Variants in SV2C observed in about 807,000 individuals in gnomAD.
The protein encoded by SV2C is synaptic vesicle glycoprotein 2C, also known as solute carrier family 22 member B3.
SV2C carries 49 observed loss-of-function variants against 79.7 expected under a neutral mutation model. The ratio of observed to expected loss-of-function variants is 0.61; its 90% CI spans 0.49 to 0.78. The LOEUF (loss-of-function observed/expected upper bound fraction) is 0.78. Among genes scored for constraint, SV2C ranks in the 30% least tolerant of loss-of-function variants. The pLI is 0.00. For missense variants in SV2C, 833 were observed against 912.9 expected (o/e 0.91, Z 1.13); for synonymous variants, 334 against 333.2 (o/e 1.00, Z -0.03).
chr5:76,352,448 G>A (rs964080056), intron 12 of SV2C, among the ~76,000 whole-genome samples: 1 of 152,150 alleles, frequency 6.6e-6, no homozygotes, highest in African/African-American at 2.4e-5. Flanking sequence ...ATGGATTAAC[G>A]TTATCTCAAG....
At chr5:76,200,408 G>A (rs1744407981) in intron 3 of SV2C, among the ~76,000 whole-genome samples, 1 of 152,314 alleles carries the variant, frequency 6.6e-6, no homozygotes, top group East Asian at 1.9e-4. Context: ...GGTGGAACCA[G>A]GAATAACTCA....
At chr5:76,110,836 C>T (rs1748073178) in intron 1 of SV2C, among the ~76,000 whole-genome samples, 1 of 152,180 alleles carries the variant, frequency 6.6e-6, no homozygotes, top group Non-Finnish European at 1.5e-5. Context: ...GTGCAAAGAA[C>T]ATGAGTGTTG....
At chr5:75,873,030 A>G in the SV2C span, among the ~76,000 whole-genome samples, 2 of 152,178 alleles carry the variant, frequency 1.3e-5, no homozygotes, top group Non-Finnish European at 2.9e-5. Flanking sequence ...TACCAAAGCC[A>G]GAAACCAAAG....
intron 1 of SV2C, among the ~76,000 whole-genome samples, chr5:76,114,374 C>G (rs961393477): frequency 6.6e-6 from 1 of 152,252 alleles, no homozygotes; most frequent in South Asian, 2.1e-4. Flanking sequence ...GAAATATTTA[C>G]TAAGTAAAAC....
Position 76,325,508 on chromosome 5 carries a change from G to A in SV2C, c.2145G>A (p.Gly715=), listed in dbSNP as rs1221368057. Residue 715 remains glycine, a synonymous_variant, in exon 13 of 13, where the codon GGG becomes GGA. Transcript: ENST00000502798. ...STVLVCGGLV[G]LCLPDTRTQV... is the part of the protein sequence containing the mutation. ...TGCTCGTGTGTGGAGGACTCGTTGG[G>A]CTGTGCCTGCCTGACACACGAACCC... 9 of 1,613,994 alleles carry A rather than the reference G, an allele frequency of 5.6e-6. No individual in the cohort carries two copies. The highest frequency in any genetic ancestry group is 7.6e-6 in the Non-Finnish European group (9 of 1,180,032).
upstream of SV2C, among the ~76,000 whole-genome samples, chr5:76,080,463 G>T (rs1429349143): frequency 1.3e-5 from 2 of 152,154 alleles, no homozygotes; most frequent in African/African-American, 4.8e-5. Context: ...GTTCTCCAAA[G>T]CGCAGGCTTT....
intron 4 of SV2C, among the ~76,000 whole-genome samples, chr5:76,280,396 C>G (rs1289522594): frequency 6.6e-6 from 1 of 152,142 alleles, no homozygotes; most frequent in Non-Finnish European, 1.5e-5. Context: ...CTAAGCTGAG[C>G]AGAGCTGGAC....
At chr5:76,231,225 C>T (rs1465689810) in intron 4 of SV2C, among the ~76,000 whole-genome samples, 1 of 152,110 alleles carries the variant, frequency 6.6e-6, no homozygotes, top group Non-Finnish European at 1.5e-5. Flanking sequence ...TTCTTCATGT[C>T]CTACTGAAAT....
the SV2C span, among the ~76,000 whole-genome samples, chr5:76,037,998 C>G: frequency 2.6e-5 from 4 of 152,170 alleles, 1 homozygote; most frequent in Admixed American, 2.0e-4. Context: ...GGGAGTGACC[C>G]GATTTTCCAG....
At chr5:75,853,325 G>A in the SV2C span, among the ~76,000 whole-genome samples, 3 of 152,216 alleles carry the variant, frequency 2.0e-5, no homozygotes, top group South Asian at 4.1e-4. Flanking sequence ...GGGAGGCGGA[G>A]GCGGGCGGAT....
At chr5:75,911,294 T>C in the SV2C span, 1 of 1,428,274 alleles carries the variant, frequency 7.0e-7, no homozygotes, top group Non-Finnish European at 9.8e-7. Flanking sequence ...GGCAGAACCC[T>C]GAGCCCTTCA....
chr5:76,161,314 G>C (rs551390305), intron 2 of SV2C, among the ~76,000 whole-genome samples: 5 of 152,292 alleles, frequency 3.3e-5, no homozygotes, highest in Non-Finnish European at 5.9e-5. Context: ...TATTGAGACA[G>C]AAAGTAAAGC....
the SV2C span, among the ~76,000 whole-genome samples, chr5:75,847,472 G>A: frequency 6.6e-6 from 1 of 152,202 alleles, no homozygotes; most frequent in Non-Finnish European, 1.5e-5. Flanking sequence ...GTCCACCCAT[G>A]TACACTGACT....
At chr5:76,236,759 G>A (rs1242033400) in intron 4 of SV2C, among the ~76,000 whole-genome samples, 4 of 152,142 alleles carry the variant, frequency 2.6e-5, no homozygotes, top group East Asian at 1.9e-4. Context: ...CCCCACCTCC[G>A]ACACTGGGGG....
intron 2 of SV2C, among the ~76,000 whole-genome samples, chr5:76,161,213 T>C (rs933595779): frequency 6.6e-6 from 1 of 152,136 alleles, no homozygotes; most frequent in Non-Finnish European, 1.5e-5. Flanking sequence ...AGAAGCATGC[T>C]ACAACTTGGA....
the SV2C span, among the ~76,000 whole-genome samples, chr5:76,051,778 A>G: frequency 1.6e-4 from 24 of 152,342 alleles, no homozygotes; most frequent in South Asian, 5.0e-3. Context: ...GGGACTAGGA[A>G]TAAAGTTTTC....
intron 4 of SV2C, among the ~76,000 whole-genome samples, chr5:76,277,065 A>G (rs986147439): frequency 4.6e-5 from 7 of 152,268 alleles, no homozygotes; most frequent in Admixed American, 4.6e-4. Context: ...CTAGATACCT[A>G]TAAGAAAGGC....
At chr5:76,102,788 G>A (rs1311206635) in intron 1 of SV2C, among the ~76,000 whole-genome samples, 3 of 152,278 alleles carry the variant, frequency 2.0e-5, no homozygotes, top group Admixed American at 1.3e-4. Context: ...GTTGAGAGAT[G>A]TTGAATAAAT....
At chr5:76,035,226 GT>G in the SV2C span, among the ~76,000 whole-genome samples, 1,870 of 143,322 alleles carry the variant, frequency 0.013, 29 homozygotes, top group African/African-American at 0.041. Flanking sequence ...TTTTTGAAGG[GT>G]TTTTTTTTTT....
Sources: gnomAD v4.1 joint callset for allele counts (sites outside exome capture counted in the v4.1 genomes callset) on GRCh38, gnomAD v4.1.1 for gene constraint, MANE v1.5 for transcripts, NCBI Gene and HGNC (gene_info 2026-07-23, HGNC 2026-07-21) for gene names.